TRPM5: variants seen among roughly 807,000 people sequenced by gnomAD.
The protein encoded by TRPM5 is transient receptor potential cation channel subfamily M member 5, also known as MLSN1 and TRP-related.
Under a neutral mutation model 124.9 loss-of-function variants are expected in TRPM5, and 121 were observed. The observed-to-expected ratio is 0.97, with a 90% confidence interval of 0.84 to 1.13. The LOEUF (loss-of-function observed/expected upper bound fraction) is 1.13, where lower values mean the gene tolerates loss of function less well. TRPM5 is among the 50% of genes most tolerant of loss of function. TRPM5 has a pLI of 0.00. For synonymous variants in TRPM5, 781 were observed against 700.5 expected, an observed-to-expected ratio of 1.11 and a Z score of -1.81; for missense variants, 1,643 against 1,589.1, an observed-to-expected ratio of 1.03 and a Z score of -0.58.
At chr11:2,413,561 C>T (rs746962321) in exon 13 of TRPM5, 9 of 1,612,346 alleles carry the variant, frequency 5.6e-6, no homozygotes, top group South Asian at 2.2e-5. Context: ...GCGGCCATGT[C>T]CCCCCACCAG....
chr11:2,417,934 G>A, intron 6 of TRPM5, 105 bp from the exon 12 acceptor site: 2 of 1,174,410 alleles, frequency 1.7e-6, no homozygotes, highest in South Asian at 1.4e-5. Flanking sequence ...CCCCAGGTGA[G>A]CCTTGCAGCC....
chr11:2,420,519 G>C, intron 3 of TRPM5, 114 bp from the exon 9 acceptor site: 1 of 1,080,928 alleles, frequency 9.3e-7, no homozygotes, highest in Non-Finnish European at 1.3e-6. Flanking sequence ...CCCGCACAAG[G>C]CTTCTGCCCG....
Position 2,416,038 on chromosome 11 carries a change from AG to A in TRPM5, c.1010-15del, listed in dbSNP as rs1291633262. On this transcript the variant is annotated splice_polypyrimidine_tract_variant and intron_variant, in intron 7 of 23. Transcript: ENST00000155858. ...GGCTCTTGCAGGCTGTGGGCAGAGCAGGCAGGCACTGGTGAGGGTGGAGCTG... is the reference window on the plus strand; with the variant it reads ...GGCTCTTGCAGGCTGTGGGCAGAGCAGCAGGCACTGGTGAGGGTGGAGCTG... 2 of 1,584,210 alleles carry A rather than the reference AG, an allele frequency of 1.3e-6. No individual in the cohort carries two copies. The highest frequency in any genetic ancestry group is 3.5e-5 in the Admixed American group (2 of 57,646).
At chr11:2,405,715 G>C in intron 22 of TRPM5, 122 bp from the exon 28 acceptor site, 1 of 1,107,210 alleles carries the variant, frequency 9.0e-7, no homozygotes, top group Non-Finnish European at 1.3e-6. Context: ...CTCCCTCTGA[G>C]AGCTGCCGCT....
At chr11:2,417,956 C>T (rs1044075113) in intron 6 of TRPM5, 127 bp from the exon 12 acceptor site, 17 of 1,051,950 alleles carry the variant, frequency 1.6e-5, no homozygotes, top group Middle Eastern at 3.0e-4. Flanking sequence ...GCATGCCCAC[C>T]GCCCACCGGG....
intron 2 of TRPM5, 63 bp from the exon 8 acceptor site, chr11:2,421,261 C>T: frequency 6.7e-6 from 10 of 1,496,908 alleles, no homozygotes; most frequent in South Asian, 3.7e-5. Context: ...GCTGGCCCCA[C>T]GCCCTAACCC....
At chr11:2,435,452 G>A in the TRPM5 span, among the ~76,000 whole-genome samples, 5 of 150,048 alleles carry the variant, frequency 3.3e-5, no homozygotes, top group Non-Finnish European at 7.4e-5. This position sits in a 1 kb window ranked among gnomAD's most constrained non-coding sequence, Gnocchi z 4.1. Context: ...CCTTCCACCA[G>A]CCTGCCCACC....
upstream of TRPM5, among the ~76,000 whole-genome samples, chr11:2,426,712 C>T (rs764588675): frequency 7.9e-5 from 12 of 152,154 alleles, no homozygotes; most frequent in Non-Finnish European, 1.3e-4. Context: ...TAACTTTGGG[C>T]AGGTCCCTCA....
At chr11:2,443,864 A>G in the TRPM5 span, among the ~76,000 whole-genome samples, 26,959 of 128,942 alleles carry the variant, frequency 0.21, 3,247 homozygotes, top group African/African-American at 0.36. This position sits in a 1 kb window ranked among gnomAD's most constrained non-coding sequence, Gnocchi z 5.0. Context: ...CCCAAATGCC[A>G]GTAGCGGGCG....
chr11:2,431,323 G>T, the TRPM5 span, among the ~76,000 whole-genome samples: 2 of 152,084 alleles, frequency 1.3e-5, no homozygotes, highest in East Asian at 1.9e-4. Flanking sequence ...AAGGCGGAGG[G>T]TCCACTAGAC....
upstream of TRPM5, chr11:2,423,101 C>T (rs1430199350): frequency 2.2e-6 from 3 of 1,354,798 alleles, no homozygotes; most frequent in African/African-American, 1.4e-5. Flanking sequence ...TCCCCACCTC[C>T]CTCCCCTCAG....
chr11:2,413,154 C>T (rs138864808), exon 14 of TRPM5: 42 of 1,553,270 alleles, frequency 2.7e-5, no homozygotes, highest in East Asian at 4.8e-5. Context: ...GGCCATACAG[C>T]GGGCTCTTCT....
At chr11:2,413,370 A>G in intron 13 of TRPM5, 106 bp downstream of exon 18, 1 of 1,312,510 alleles carries the variant, frequency 7.6e-7, no homozygotes, top group African/African-American at 1.5e-5. Flanking sequence ...CTTGGGGGCT[A>G]CAGAGTCAGG....
chr11:2,417,861 G>A (rs986172565), intron 6 of TRPM5, 32 bp from the exon 12 acceptor site: 5 of 1,543,126 alleles, frequency 3.2e-6, no homozygotes, highest in East Asian at 2.4e-5. Context: ...CCATGGGGCC[G>A]CCTCAGCCAG....
chr11:2,431,987 T>G, the TRPM5 span, among the ~76,000 whole-genome samples: 1 of 151,946 alleles, frequency 6.6e-6, no homozygotes. Context: ...AATGGGTGAG[T>G]GTCCAGGCGT....
exon 19 of TRPM5, chr11:2,407,858 C>T: frequency 3.7e-6 from 6 of 1,613,964 alleles, no homozygotes; most frequent in Non-Finnish European, 5.1e-6. Flanking sequence ...GAGGCTGGGG[C>T]AGGATGGTGA....
rs112163550 is a variant in TRPM5 at position 2,405,610 on chromosome 11, C to G, written c.3325-17G>C. On this transcript the variant is annotated splice_polypyrimidine_tract_variant and intron_variant, in intron 22 of 23. Transcript: ENST00000155858. The stretch of plus-strand genomic sequence containing the variant: ...GTAGTTGATCTGGAGAAGGGAAACA[C>G]GTCCGGGAAGCTCCAGGGCTCTCTC... The G allele has an allele frequency of 1.9e-3, 2,912 of 1,555,200 alleles. 38 individuals are homozygous for G. The highest frequency in any genetic ancestry group is 0.017 in the African/African-American group (1,253 of 73,608).
At chr11:2,413,269 A>G (rs1287975556) in intron 13 of TRPM5, 43 bp from the exon 19 acceptor site, 10 of 1,491,690 alleles carry the variant, frequency 6.7e-6, no homozygotes, top group Non-Finnish European at 8.9e-6. Flanking sequence ...AAGGGCTCCC[A>G]GAGGCGCCTG....
chr11:2,412,969 C>G, exon 15 of TRPM5: 1 of 1,606,048 alleles, frequency 6.2e-7, no homozygotes, highest in Non-Finnish European at 8.5e-7. Flanking sequence ...GCACGTGGGC[C>G]TCGGTCACCC....
Sources: allele counts gnomAD v4.1 joint callset (sites outside exome capture counted in the v4.1 genomes callset), GRCh38; gene constraint gnomAD v4.1.1; non-coding constraint Gnocchi (gnomAD v3.1); transcripts MANE v1.5; gene names NCBI Gene and HGNC (gene_info 2026-07-23, HGNC 2026-07-21).